KAZN: variants seen among roughly 807,000 people sequenced by gnomAD.
The protein encoded by KAZN is kazrin, periplakin interacting protein.
Under a neutral mutation model 87.4 loss-of-function variants are expected in KAZN, and 40 were observed. The ratio of observed to expected loss-of-function variants is 0.46; its 90% CI spans 0.36 to 0.60. The LOEUF is 0.60. Ranked by LOEUF, KAZN falls within the 20% of genes least tolerant of loss-of-function variation. The pLI, the probability that KAZN is intolerant of heterozygous loss-of-function variation, is 0.00. For missense variants in KAZN, 898 were observed against 1,073.9 expected, an observed-to-expected ratio of 0.84 and a Z score of 2.29; for synonymous variants, 466 against 458.3, an observed-to-expected ratio of 1.02 and a Z score of -0.22.
chr1:13,947,188 C>G (rs542301885), intron 1 of KAZN, among the ~76,000 whole-genome samples: 1 of 152,112 alleles, frequency 6.6e-6, no homozygotes, highest in South Asian at 2.1e-4. Context: ...AGGAAACTCA[C>G]GATCATGGCA....
At chr1:14,034,524 GTTCT>G (rs1641463499) in intron 1 of KAZN, among the ~76,000 whole-genome samples, 1 of 152,184 alleles carries the variant, frequency 6.6e-6, no homozygotes, top group Non-Finnish European at 1.5e-5. Context: ...GCACAATTTA[GTTCT>G]TTGTTTTTCA....
At chr1:13,942,459 G>T (rs1372197793) in intron 1 of KAZN, among the ~76,000 whole-genome samples, 1 of 146,102 alleles carries the variant, frequency 6.8e-6, no homozygotes, top group African/African-American at 2.6e-5. Flanking sequence ...AGAATGGCGT[G>T]AACCCGGGAA....
At chr1:14,785,590 C>T (rs1645488032) in intron 1 of KAZN, among the ~76,000 whole-genome samples, 1 of 152,148 alleles carries the variant, frequency 6.6e-6, no homozygotes, top group Non-Finnish European at 1.5e-5. Flanking sequence ...TCATCTTTTC[C>T]CCACCTGCCC....
At chr1:14,870,930 A>T (rs963934402) in intron 1 of KAZN, among the ~76,000 whole-genome samples, 1 of 152,198 alleles carries the variant, frequency 6.6e-6, no homozygotes, top group African/African-American at 2.4e-5. Context: ...GGCCGCCTCC[A>T]CACCTGCCTG....
intron 1 of KAZN, among the ~76,000 whole-genome samples, chr1:14,940,898 C>CTTTTTTTTTTTT (rs66777443): frequency 1.1e-4 from 6 of 54,404 alleles, no homozygotes; most frequent in African/African-American, 3.3e-4. Context: ...TTCTACCTTT[C>CTTTTTTTTTTTT]TTTTTTTTTT....
rs190212122 is a variant in KAZN at position 14,761,699 on chromosome 1, C to T, written c.226+162476C>T. Among the ~76,000 whole-genome samples, 20 of 152,216 alleles carry T rather than the reference C, an allele frequency of 1.3e-4. No homozygotes were observed. In the East Asian group the frequency reaches 2.1e-3, roughly 16 times the overall value. ...CTTCCCTGTCAATTATGCAGTTAAA[C>T]GGAACATCTCACAGGGGGATTTGCC... is the stretch of plus-strand genomic sequence containing the variant. On this transcript the variant is annotated intron_variant, in intron 1 of 14. Coordinates refer to ENST00000376030, the MANE Select transcript of KAZN (RefSeq NM_201628.3).
chr1:14,412,260 A>G (rs1451888476), intron 2 of KAZN, among the ~76,000 whole-genome samples: 2 of 152,246 alleles, frequency 1.3e-5, no homozygotes, highest in Non-Finnish European at 2.9e-5. Flanking sequence ...TTTAAAACAC[A>G]GAAGCTCTAA....
At chr1:14,991,754 C>T (rs1171815705) in intron 2 of KAZN, among the ~76,000 whole-genome samples, 1 of 152,146 alleles carries the variant, frequency 6.6e-6, no homozygotes, top group African/African-American at 2.4e-5. Flanking sequence ...TAGAGTCAGC[C>T]CTGCAGCAGA....
At position 15,043,991 on chromosome 1, in the gene KAZN, G is replaced by T. The variant is rs1487152623; in HGVS notation, c.558G>T (p.Glu186Asp). 1.2e-6 allele frequency: 2 copies of T among 1,608,594 alleles called. No individual in the cohort carries two copies. Among genetic ancestry groups the T allele is most frequent in the Admixed American group, 3.3e-5 (2 of 59,810 alleles). Residue 186 changes from glutamate to aspartate, a missense_variant and splice_region_variant, in exon 4 of 15, where the codon GAG becomes GAT. Glu to Asp is a conservative substitution (Grantham distance 45). Transcript: ENST00000376030. ...CTCTCTCCCTCTCCCACCCACAGGAGAGCGAGGATGCGGTCAAAGCGCTGG... is the reference window on the plus strand; with the variant it reads ...CTCTCTCCCTCTCCCACCCACAGGATAGCGAGGATGCGGTCAAAGCGCTGG... The part of the protein sequence containing the change: ...FIRNYEQHRK[E>D]SEDAVKALAK...
At chr1:14,413,040 G>A (rs1049137188) in intron 2 of KAZN, among the ~76,000 whole-genome samples, 3 of 148,322 alleles carry the variant, frequency 2.0e-5, no homozygotes, top group Middle Eastern at 7.1e-3. Context: ...ATATTACATA[G>A]GATTAAATCT....
chr1:14,180,453 C>T (rs959322323), exon 2 of KAZN: 1 of 1,550,120 alleles, frequency 6.5e-7, no homozygotes, highest in Non-Finnish European at 8.7e-7. Flanking sequence ...TCATTGCACA[C>T]CCTCAATGAC....
chr1:15,092,470 G>C (rs1640599219), intron 8 of KAZN, among the ~76,000 whole-genome samples: 1 of 151,546 alleles, frequency 6.6e-6, no homozygotes, highest in Non-Finnish European at 1.5e-5. Context: ...GTTTTGTTTT[G>C]TTTTGTTTTG....
intron 2 of KAZN, among the ~76,000 whole-genome samples, chr1:14,256,588 A>G (rs1169971159): frequency 6.6e-6 from 1 of 152,114 alleles, no homozygotes; most frequent in Admixed American, 6.5e-5. Context: ...CTAGAAAAAA[A>G]TGGCAGAGGA....
chr1:14,657,452 C>T (rs1638875939), intron 1 of KAZN, among the ~76,000 whole-genome samples: 1 of 152,176 alleles, frequency 6.6e-6, no homozygotes, highest in Non-Finnish European at 1.5e-5. Context: ...GGGTAAGCTC[C>T]AAGAATTTGC....
chr1:14,446,073 G>C (rs1012313225), intron 2 of KAZN, among the ~76,000 whole-genome samples: 7 of 152,006 alleles, frequency 4.6e-5, no homozygotes, highest in Non-Finnish European at 1.0e-4. Context: ...GTGCACACCT[G>C]TAGGCCCAGC....
chr1:14,021,973 G>A (rs6657377), intron 1 of KAZN, among the ~76,000 whole-genome samples: 3 of 33,892 alleles, frequency 8.9e-5, no homozygotes, highest in Admixed American at 7.2e-4. Context: ...TTTTTTTTTT[G>A]TAACGACTTC....
At chr1:14,294,714 C>T (rs1653983493) in intron 2 of KAZN, among the ~76,000 whole-genome samples, 1 of 147,528 alleles carries the variant, frequency 6.8e-6, no homozygotes, top group African/African-American at 2.5e-5. Flanking sequence ...TCTGGAAAAT[C>T]AGGCCAAGTA....
intron 1 of KAZN, among the ~76,000 whole-genome samples, chr1:14,917,220 A>C (rs1039795566): frequency 1.3e-5 from 2 of 152,092 alleles, no homozygotes; most frequent in African/African-American, 2.4e-5. Flanking sequence ...TCCTCACCCC[A>C]CCAAGGGCAA....
chr1:14,973,099 G>T (rs534335462), intron 2 of KAZN, among the ~76,000 whole-genome samples: 4 of 152,068 alleles, frequency 2.6e-5, no homozygotes, highest in Admixed American at 6.6e-5. Flanking sequence ...TACAGCATGC[G>T]AGTCTCAGCA....
Sources: gnomAD v4.1 joint callset for allele counts (sites outside exome capture counted in the v4.1 genomes callset) on GRCh38, gnomAD v4.1.1 for gene constraint, MANE v1.5 for transcripts, NCBI Gene and HGNC (gene_info 2026-07-23, HGNC 2026-07-21) for gene names.